Variants in PCDHGA9 observed in about 807,000 individuals in gnomAD.
The protein encoded by PCDHGA9 is protocadherin gamma-A9.
In PCDHGA9, 37 loss-of-function variants were observed where a neutral mutation model predicts 62.5. The ratio of observed to expected loss-of-function variants is 0.59; its 90% CI spans 0.46 to 0.78. The LOEUF (loss-of-function observed/expected upper bound fraction) is 0.78, where lower values mean the gene tolerates loss of function less well. Among genes scored for constraint, PCDHGA9 ranks in the 30% least tolerant of loss-of-function variants. The pLI, the probability that PCDHGA9 is intolerant of heterozygous loss-of-function variation, is 0.00. For missense variants in PCDHGA9, 1,138 were observed against 1,166.2 expected (o/e 0.98, Z 0.35); for synonymous variants, 459 against 484.6 (o/e 0.95, Z 0.69).
At chr5:141,441,855 G>A in intron 1 of PCDHGA9, 3 of 351,872 alleles carry the variant, frequency 8.5e-6, no homozygotes, top group Admixed American at 4.0e-5. Flanking sequence ...ATATGGTGCT[G>A]CACGCCGCGG....
chr5:141,430,967 G>A lies in PCDHGA9; in HGVS notation c.2424+25591G>A, dbSNP rs746992307. 5 of 1,613,256 alleles carry A rather than the reference G, an allele frequency of 3.1e-6. No individual in the cohort carries two copies. In the East Asian group the frequency reaches 6.7e-5, roughly 22 times the overall value. On this transcript the variant is annotated intron_variant, in intron 1 of 3. Coordinates refer to ENST00000573521, the MANE Select transcript of PCDHGA9 (RefSeq NM_018921.3). ...GCGCGGAGTCCGCATCATCCCCAGA[G>A]GTAGGACGCAGCTTTTCGCCCTGAA... is the stretch of plus-strand genomic sequence containing the variant.
chr5:141,501,500 C>G (rs1385290676), intron 2 of PCDHGA9, among the ~76,000 whole-genome samples: 1 of 151,934 alleles, frequency 6.6e-6, no homozygotes, highest in Non-Finnish European at 1.5e-5. Context: ...GCTGCTGGGG[C>G]TCCAAGGCCT....
chr5:141,441,800 G>T, intron 1 of PCDHGA9: 1 of 382,594 alleles, frequency 2.6e-6, no homozygotes, highest in Non-Finnish European at 5.2e-6. Flanking sequence ...ACGCACCGCG[G>T]GTGCTGTACC....
At chr5:141,435,941 A>G (rs1354198135) in intron 1 of PCDHGA9, among the ~76,000 whole-genome samples, 1 of 152,170 alleles carries the variant, frequency 6.6e-6, no homozygotes, top group Non-Finnish European at 1.5e-5. Flanking sequence ...TGCTTCTGAG[A>G]CCAAAAAAGG....
At chr5:141,425,391 A>G (rs2096872046) in intron 1 of PCDHGA9, among the ~76,000 whole-genome samples, 1 of 152,238 alleles carries the variant, frequency 6.6e-6, no homozygotes, top group South Asian at 2.1e-4. Flanking sequence ...AGGTAGTGAT[A>G]AAGTTCTGTT....
intron 1 of PCDHGA9, chr5:141,441,111 G>A (rs1457975305): frequency 1.3e-5 from 2 of 152,194 alleles, no homozygotes; most frequent in Non-Finnish European, 1.5e-5. Flanking sequence ...TCATTGTCCA[G>A]TGTACAGTTG....
intron 1 of PCDHGA9, chr5:141,427,176 G>A (rs777424789): frequency 2.2e-6 from 1 of 456,742 alleles, no homozygotes; most frequent in Non-Finnish European, 4.4e-6. Context: ...TCAAAATGGG[G>A]AAATTAAATC....
Position 141,431,264 on chromosome 5 carries a change from A to T in PCDHGA9, c.2424+25888A>T. The T allele has an allele frequency of 6.2e-7, 1 of 1,614,170 alleles. No individual in the cohort carries two copies. On this transcript the variant is annotated intron_variant, in intron 1 of 3. Coordinates refer to ENST00000573521, the MANE Select transcript of PCDHGA9 (RefSeq NM_018921.3). This position sits in a 1 kb window ranked among gnomAD's most constrained non-coding sequence, Gnocchi z 4.8. ...GGATATCGGGAAGAACTCTCTGCAG[A>T]GCTACGAGCTCAGCCCGAACACTCA...
intron 1 of PCDHGA9, chr5:141,413,677 G>T (rs539552615): frequency 6.2e-7 from 1 of 1,613,794 alleles, no homozygotes; most frequent in East Asian, 2.2e-5. Flanking sequence ...GGATGTGGGC[G>T]TGAACTCCCT....
In PCDHGA9 at chr5:141,432,997, G is replaced by T. The variant is rs778828769; in HGVS notation, c.2424+27621G>T. 17 of 1,614,082 alleles carry T rather than the reference G, an allele frequency of 1.1e-5. No homozygotes were observed. The highest frequency in any genetic ancestry group is 4.5e-5 in the East Asian group (2 of 44,864). ...CGCACTTTGTGGGCGTGGACGGGGT[G>T]CAGGCTTTCCTGCAGACCTATTCCC... On this transcript the variant is annotated intron_variant, in intron 1 of 3. Transcript: ENST00000573521. The surrounding 1 kb of genome is among the most constrained non-coding windows in gnomAD (Gnocchi z 6.0).
In PCDHGA9 at chr5:141,472,878, C is replaced by T. The variant is rs774209715; in HGVS notation, c.2425-21929C>T. ...GCACATGCCTGTATTCCCAGCTACT[C>T]GGGAGGCTGAGGCAGGAGAATTGCT... On this transcript the variant is annotated intron_variant, in intron 1 of 3. Transcript: ENST00000573521. 6.8e-5 allele frequency among the ~76,000 whole-genome samples: 10 copies of T among 146,132 alleles called. 1 individual carries two copies. The highest frequency in any genetic ancestry group is 4.2e-4 in the East Asian group (2 of 4,758).
In PCDHGA9 at chr5:141,485,037, C is replaced by T. The variant is rs2099605532; in HGVS notation, c.2425-9770C>T. 1.0e-5 allele frequency: 7 copies of T among 702,746 alleles called. No individual in the cohort carries two copies. Among genetic ancestry groups the T allele is most frequent in the Non-Finnish European group, 1.5e-5 (6 of 402,836 alleles). 43.5% of individuals were successfully genotyped at this position (702,746 alleles called of 1,614,324 possible). A position where few individuals can be genotyped will look rare whatever the true frequency, so the allele number is the denominator to read the frequency against. ...GCCACCAGCAAAAACGGCGCGTAAC[C>T]CTTGCGGCGCCGGCCGAACCGCGCC... is the stretch of plus-strand genomic sequence containing the variant. On this transcript the variant is annotated intron_variant, in intron 1 of 3. Transcript: ENST00000573521. The surrounding 1 kb of genome is among the most constrained non-coding windows in gnomAD (Gnocchi z 5.7).
rs1446743849 is a variant in PCDHGA9, at chr5:141,476,288, C to T, written c.2425-18519C>T. The T allele has an allele frequency of 1.3e-5, 21 of 1,613,980 alleles. No individual in the cohort carries two copies. The highest frequency in any genetic ancestry group is 2.2e-5 in the South Asian group (2 of 91,076). On this transcript the variant is annotated intron_variant, in intron 1 of 3. Coordinates refer to ENST00000573521, the MANE Select transcript of PCDHGA9 (RefSeq NM_018921.3). This position sits in a 1 kb window ranked among gnomAD's most constrained non-coding sequence, Gnocchi z 7.6. ...CGTGGTCGCGAACCTTGGTTTGGAT[C>T]TCGGTAGCCTCTCAGCCCGCAGGTT...
At position 141,490,359 on chromosome 5, in the gene PCDHGA9, T is replaced by A; in HGVS notation, c.2425-4448T>A. On this transcript the variant is annotated intron_variant, in intron 1 of 3. Coordinates refer to ENST00000573521, the MANE Select transcript of PCDHGA9 (RefSeq NM_018921.3). The surrounding 1 kb of genome is among the most constrained non-coding windows in gnomAD (Gnocchi z 5.4). ...TGGGCACAGTAGTGGGGTTGTTTAA[T>A]GTGCGAGACCGGGACTCAGGTAGAA... 6.2e-7 allele frequency: 1 copy of A among 1,614,212 alleles called. No individual in the cohort carries two copies. The highest frequency in any genetic ancestry group is 8.5e-7 in the Non-Finnish European group (1 of 1,180,036).
chr5:141,467,625 T>C (rs1407031447), intron 1 of PCDHGA9, among the ~76,000 whole-genome samples: 1 of 152,202 alleles, frequency 6.6e-6, no homozygotes, highest in African/African-American at 2.4e-5. Flanking sequence ...TGATTTGAGA[T>C]AGCATCTTTA....
chr5:141,409,883 C>T lies in PCDHGA9; in HGVS notation c.2424+4507C>T, dbSNP rs530193346. 1.2e-6 allele frequency: 2 copies of T among 1,612,988 alleles called. No individual in the cohort carries two copies. The highest frequency in any genetic ancestry group is 3.3e-5 in the Admixed American group (2 of 59,964). ...GGGAGACCGCAATGACAACGCACCGCGGGTGCTGTACCCAGCTCTGGGTCC... is the reference window on the plus strand; with the variant it reads ...GGGAGACCGCAATGACAACGCACCGTGGGTGCTGTACCCAGCTCTGGGTCC... On this transcript the variant is annotated intron_variant, in intron 1 of 3. Transcript: ENST00000573521.
At chr5:141,453,311 A>C (rs2098762053) in intron 1 of PCDHGA9, among the ~76,000 whole-genome samples, 1 of 151,602 alleles carries the variant, frequency 6.6e-6, no homozygotes, top group African/African-American at 2.4e-5. Flanking sequence ...TTATTTATTT[A>C]TTTTAGAGAT....
intron 2 of PCDHGA9, among the ~76,000 whole-genome samples, chr5:141,498,971 G>GGGAAGGAAGGAAGGAAGGAAGGAAGGAA (rs201769957): frequency 9.0e-6 from 1 of 110,972 alleles, no homozygotes; most frequent in Non-Finnish European, 1.8e-5. Flanking sequence ...GAGGGAGGGA[G>GGGAAGGAAGGAAGGAAGGAAGGAAGGAA]GGAAGGAAGG....
chr5:141,457,868 G>T lies in PCDHGA9; in HGVS notation c.2425-36939G>T, dbSNP rs1479066479. ...AAAGTGACATTCTTCACTGACCACA[G>T]GTTAGGAACCCTGTGTGGGGACTGT... On this transcript the variant is annotated intron_variant, in intron 1 of 3. Transcript: ENST00000573521. Among the ~76,000 whole-genome samples the T allele has an allele frequency of 2.0e-5, 3 of 152,346 alleles. No individual in the cohort carries two copies. In the East Asian group the frequency reaches 5.8e-4, roughly 29 times the overall value.
Sources: allele counts gnomAD v4.1 joint callset (sites outside exome capture counted in the v4.1 genomes callset), GRCh38; gene constraint gnomAD v4.1.1; non-coding constraint Gnocchi (gnomAD v3.1); transcripts MANE v1.5; gene names NCBI Gene and HGNC (gene_info 2026-07-23, HGNC 2026-07-21).